The following PDGFRA variants were observed in gnomAD, a reference collection of about 807,000 sequenced individuals.
PDGFRA encodes the protein platelet-derived growth factor receptor alpha.
In PDGFRA, 25 loss-of-function variants were observed where a neutral mutation model predicts 121.5. The ratio of observed to expected loss-of-function variants is 0.21; its 90% CI spans 0.15 to 0.29. The LOEUF is 0.29. PDGFRA is among the 10% of genes least tolerant of loss of function. PDGFRA has a pLI of 1.00. For synonymous variants in PDGFRA, 463 were observed against 494.8 expected (o/e 0.94, Z 0.85); for missense variants, 1,008 against 1,345.1 (o/e 0.75, Z 3.92).
chr4:54,285,303 C>G, intron 16 of PDGFRA, 68 bp from the exon 17 acceptor site: 1 of 783,746 alleles, frequency 1.3e-6, no homozygotes, highest in Non-Finnish European at 2.4e-6. Context: ...GTTCTTTGGG[C>G]ATGCCTCTGC....
chr4:54,249,511 ATT>A (rs1721917574), intron 1 of PDGFRA, among the ~76,000 whole-genome samples: 1 of 152,202 alleles, frequency 6.6e-6, no homozygotes, highest in Admixed American at 6.6e-5. Flanking sequence ...GGAAATCATC[ATT>A]CTCAGTAAAC....
At chr4:54,256,739 G>A (rs1722397403) in intron 1 of PDGFRA, among the ~76,000 whole-genome samples, 1 of 151,854 alleles carries the variant, frequency 6.6e-6, no homozygotes, top group East Asian at 2.0e-4. Flanking sequence ...CGGGCCGGGT[G>A]TGGTGGTTTA....
intron 1 of PDGFRA, among the ~76,000 whole-genome samples, chr4:54,230,978 G>A (rs1019699165): frequency 6.6e-6 from 1 of 152,244 alleles, no homozygotes; most frequent in Non-Finnish European, 1.5e-5. Context: ...CCCAACCCGA[G>A]TACGTTGCCA....
chr4:54,257,568 T>A (rs1460675898), intron 1 of PDGFRA, among the ~76,000 whole-genome samples: 1 of 151,726 alleles, frequency 6.6e-6, no homozygotes, highest in Non-Finnish European at 1.5e-5. Context: ...TTTTGGGGGG[T>A]TATGTTAAAA....
At chr4:54,288,406 C>T (rs1321061101) in intron 19 of PDGFRA, among the ~76,000 whole-genome samples, 1 of 152,156 alleles carries the variant, frequency 6.6e-6, no homozygotes, top group Non-Finnish European at 1.5e-5. Flanking sequence ...AGAGAGGCCA[C>T]AACTTTGATT....
intron 21 of PDGFRA, among the ~76,000 whole-genome samples, 198 bp from the exon 22 acceptor site, chr4:54,290,115 C>A (rs903049722): frequency 2.0e-5 from 3 of 152,318 alleles, no homozygotes; most frequent in African/African-American, 7.2e-5. Flanking sequence ...GGCAGAAGCT[C>A]TTTACCATTG....
intron 13 of PDGFRA, 102 bp from the exon 14 acceptor site, chr4:54,277,794 G>A: frequency 2.5e-6 from 2 of 793,864 alleles, no homozygotes; most frequent in Admixed American, 2.0e-5. Context: ...CTGGTAAATA[G>A]AATGATATCC....
intron 1 of PDGFRA, among the ~76,000 whole-genome samples, chr4:54,252,658 T>C (rs1722118719): frequency 6.6e-6 from 1 of 152,202 alleles, no homozygotes; most frequent in South Asian, 2.1e-4. Context: ...TAACTGAGCC[T>C]CGGAAATCTG....
chr4:54,267,195 C>A, intron 5 of PDGFRA, 94 bp from the exon 6 acceptor site: 1 of 1,192,974 alleles, frequency 8.4e-7, no homozygotes, highest in Non-Finnish European at 1.3e-6. Context: ...CCTCCATTGA[C>A]ACATCCATAT....
intron 1 of PDGFRA, among the ~76,000 whole-genome samples, chr4:54,244,116 T>C (rs1014810539): frequency 4.1e-4 from 63 of 152,226 alleles, no homozygotes; most frequent in African/African-American, 1.5e-3. Context: ...CCTGCCTCTG[T>C]AGGCTCCATC....
intron 1 of PDGFRA, among the ~76,000 whole-genome samples, chr4:54,240,356 G>C (rs1721235062): frequency 6.6e-6 from 1 of 152,138 alleles, no homozygotes; most frequent in Non-Finnish European, 1.5e-5. Context: ...TCATGCTTTT[G>C]GGTTTCACTA....
rs1723555825 is a variant in PDGFRA at position 54,273,861 on chromosome 4, A to C, written c.1558+131A>C. ...AGAAATTCAGTTATGAATGCTCTTA[A>C]AGTCATGTGGGACTTTGTTTTATTT... On this transcript the variant is annotated intron_variant, in intron 10 of 22. Coordinates refer to ENST00000257290, the MANE Select transcript of PDGFRA (RefSeq NM_006206.6). 4 of 759,336 alleles carry C rather than the reference A, an allele frequency of 5.3e-6. No individual in the cohort carries two copies. In the South Asian group the frequency reaches 6.0e-5, roughly 11 times the overall value. 47.0% of individuals were successfully genotyped at this position (759,336 alleles called of 1,614,324 possible).
In PDGFRA at chr4:54,267,470, G is replaced by A. The variant is rs779387423; in HGVS notation, c.931+10G>A. 13 of 1,613,864 alleles carry A rather than the reference G, an allele frequency of 8.1e-6. No individual in the cohort carries two copies. The highest frequency in any genetic ancestry group is 3.3e-5 in the Admixed American group (2 of 59,978). On this transcript the variant is annotated intron_variant, in intron 6 of 22. Coordinates refer to ENST00000257290, the MANE Select transcript of PDGFRA (RefSeq NM_006206.6). Reference sequence around the variant, plus strand: ...ACTATTTCTGTCCATGGTACATTCCGCTTTCTAAAATGTCAGTTGTCCATG... The same window carrying A: ...ACTATTTCTGTCCATGGTACATTCCACTTTCTAAAATGTCAGTTGTCCATG...
At chr4:54,238,839 G>A (rs1721146526) in intron 1 of PDGFRA, among the ~76,000 whole-genome samples, 1 of 152,118 alleles carries the variant, frequency 6.6e-6, no homozygotes, top group Admixed American at 6.5e-5. Context: ...GGGCATGATG[G>A]TGCAGGCCTA....
At chr4:54,254,975 C>A (rs1186612372) in intron 1 of PDGFRA, among the ~76,000 whole-genome samples, 1 of 152,114 alleles carries the variant, frequency 6.6e-6, no homozygotes, top group East Asian at 1.9e-4. Flanking sequence ...GGGACAGGCA[C>A]TGGGCCGGGT....
chr4:54,267,663 C>G lies in PDGFRA; in HGVS notation c.1043C>G (p.Ser348Cys). The G allele has an allele frequency of 1.9e-6, 3 of 1,614,104 alleles. No individual in the cohort carries two copies. The highest frequency in any genetic ancestry group is 2.2e-5 in the South Asian group (2 of 91,084). The change falls in exon 7 of 23, where the codon TCC becomes TGC. Residue 348 changes from serine to cysteine, a missense_variant. Ser to Cys is a moderately radical substitution (Grantham distance 112). This residue lies in a region of PDGFRA where 575 missense variants were observed against 701.8 expected (regional missense o/e 0.82). Transcript: ENST00000257290. ...EVRAYPPPRISWLKNNLTLIE... is the reference protein window; with the variant it reads ...EVRAYPPPRICWLKNNLTLIE... ...CGGGCCTACCCACCTCCCAGGATAT[C>G]CTGGCTGAAAAACAATCTGACTCTG... is the stretch of plus-strand genomic sequence containing the variant.
chr4:54,274,946 G>C lies in PDGFRA; in HGVS notation c.1759G>C (p.Glu587Gln), dbSNP rs2110300564. ...PMQLPYDSRW[E>Q]FPRDGLVLGR... ...GCAGCTGCCTTATGACTCAAGATGG[G>C]AGTTTCCAAGAGATGGACTAGTGCT... is the stretch of plus-strand genomic sequence containing the variant. Residue 587 changes from glutamate (E) to glutamine (Q), a missense_variant, in exon 12 of 23, where the codon GAG becomes CAG. Physicochemically the swap from Glu to Gln is conservative, Grantham distance 29. This residue lies in a region of PDGFRA where 61 missense variants were observed against 125.3 expected (regional missense o/e 0.49). Transcript: ENST00000257290. 1 of 1,614,148 alleles carries C rather than the reference G, an allele frequency of 6.2e-7. No homozygotes were observed. Among genetic ancestry groups the C allele is most frequent in the Non-Finnish European group, 8.5e-7 (1 of 1,180,018 alleles).
At chr4:54,272,352 G>A in intron 8 of PDGFRA, 42 bp from the exon 9 acceptor site, 1 of 1,611,566 alleles carries the variant, frequency 6.2e-7, no homozygotes, top group Non-Finnish European at 8.5e-7. Context: ...TATGTTCTGG[G>A]ACACGAGCTA....
chr4:54,244,933 G>C (rs985911017), intron 1 of PDGFRA, among the ~76,000 whole-genome samples: 1 of 152,320 alleles, frequency 6.6e-6, no homozygotes, highest in South Asian at 2.1e-4. Context: ...AGAAGCCTTA[G>C]GAGCTGATGC....
Sources: gnomAD v4.1 joint callset for allele counts (sites outside exome capture counted in the v4.1 genomes callset) on GRCh38, gnomAD v4.1.1 for gene constraint, gnomAD v4.1.1 regional missense constraint, MANE v1.5 for transcripts, NCBI Gene and HGNC (gene_info 2026-07-23, HGNC 2026-07-21) for gene names.